UTP6: variants seen among roughly 807,000 people sequenced by gnomAD.
The protein encoded by UTP6 is UTP6 small subunit processome component, also known as U3 small nucleolar RNA-associated protein 6 homolog.
UTP6 carries 60 observed loss-of-function variants against 96.5 expected under a neutral mutation model. The ratio of observed to expected loss-of-function variants is 0.62; its 90% CI spans 0.51 to 0.77. The LOEUF is 0.77. Among genes scored for constraint, UTP6 ranks in the 30% least tolerant of loss-of-function variants. UTP6 has a pLI of 0.00. For synonymous variants in UTP6, 215 were observed against 240.1 expected (o/e 0.90, Z 0.96); for missense variants, 637 against 706.5 (o/e 0.90, Z 1.12).
Position 31,884,484 on chromosome 17 carries a change from A to G in UTP6, c.725T>C (p.Leu242Pro). 1 of 1,612,272 alleles carries G rather than the reference A, an allele frequency of 6.2e-7. No individual in the cohort carries two copies. The highest frequency in any genetic ancestry group is 8.5e-7 in the Non-Finnish European group (1 of 1,179,270). Residue 242 changes from leucine to proline, a missense_variant, in exon 10 of 19, where the codon CTG (leucine) becomes CCG (proline). Leu to Pro is a moderately conservative substitution (Grantham distance 98). Coordinates refer to ENST00000261708, the MANE Select transcript of UTP6 (RefSeq NM_018428.3). ...GTCAAATAGCTGTGCAATCGAAAGCAGTGACACGTGAAATTCTGCACCTAA... is the reference window on the plus strand; with the variant it reads ...GTCAAATAGCTGTGCAATCGAAAGCGGTGACACGTGAAATTCTGCACCTAA... ...IIKGAEFHVS[L>P]LSIAQLFDFA...
Position 31,899,604 on chromosome 17 carries a change from CAAAAAAG to C in UTP6, c.177+35_177+41del, listed in dbSNP as rs1904848370. 6 of 1,499,512 alleles carry C rather than the reference CAAAAAAG, an allele frequency of 4.0e-6. No homozygotes were observed. The East Asian group carries it at 1.2e-4, about 29-fold the overall frequency. 92.9% of individuals were successfully genotyped at this position (1,499,512 alleles called of 1,614,324 possible). On this transcript the variant is annotated intron_variant, in intron 2 of 18. Transcript: ENST00000261708. The stretch of plus-strand genomic sequence containing the variant: ...AGTGAGATGCCATCTCACCAAAAAA[CAAAAAAG>C]AAAAAAAGAAAGAAATTATTAATTA...
At chr17:31,867,282 C>T (rs1017755585) in intron 17 of UTP6, among the ~76,000 whole-genome samples, 2 of 152,048 alleles carry the variant, frequency 1.3e-5, no homozygotes, top group African/African-American at 2.4e-5. Flanking sequence ...CTGAGGGGGG[C>T]GGATCACCTG....
chr17:31,878,336 A>G lies in UTP6; in HGVS notation c.1048-9T>C. ...ATGGTTCTTTCCAACCTCTGAAAAC[A>G]GAAAAATCCCTCAGTTCATTACAAA... On this transcript the variant is annotated splice_polypyrimidine_tract_variant and intron_variant, in intron 12 of 18. Transcript: ENST00000261708. 6.2e-7 allele frequency: 1 copy of G among 1,614,096 alleles called. No individual in the cohort carries two copies. Among genetic ancestry groups the G allele is most frequent in the Non-Finnish European group, 8.5e-7 (1 of 1,179,954 alleles).
intron 18 of UTP6, among the ~76,000 whole-genome samples, chr17:31,864,015 G>GT (rs1160281042): frequency 1.5e-4 from 23 of 151,754 alleles, no homozygotes; most frequent in African/African-American, 5.6e-4. Flanking sequence ...TTGTTTTTTT[G>GT]TTTTTTGTTT....
At chr17:31,870,515 GTTTT>G (rs757361777) in intron 16 of UTP6, among the ~76,000 whole-genome samples, 2 of 138,790 alleles carry the variant, frequency 1.4e-5, no homozygotes, top group East Asian at 2.1e-4. Context: ...TGTTGTTTTG[GTTTT>G]TTTTTTTGGT....
intron 8 of UTP6, chr17:31,886,689 C>T (rs1334371180): frequency 6.6e-6 from 1 of 152,620 alleles, no homozygotes; most frequent in African/African-American, 2.4e-5. Context: ...AAGCTGGAAA[C>T]CACAATAACA....
chr17:31,872,460 G>A (rs1040922121), intron 16 of UTP6, among the ~76,000 whole-genome samples: 3 of 151,208 alleles, frequency 2.0e-5, no homozygotes, highest in Non-Finnish European at 2.9e-5. Flanking sequence ...TTGAGCCCAG[G>A]AGTTTGAGAC....
chr17:31,892,124 A>G, intron 6 of UTP6, 136 bp downstream of exon 6: 2 of 825,618 alleles, frequency 2.4e-6, no homozygotes. Context: ...GCTATTCAGT[A>G]AGAAAAACTG....
At chr17:31,865,257 C>T (rs1352264845) in intron 18 of UTP6, 109 bp downstream of exon 18, 15 of 1,110,612 alleles carry the variant, frequency 1.4e-5, no homozygotes, top group African/African-American at 4.7e-5. Flanking sequence ...AGGTGATCCG[C>T]CTGCCTTGGC....
chr17:31,894,638 C>T lies in UTP6; in HGVS notation c.312+7G>A. The T allele has an allele frequency of 6.3e-7, 1 of 1,593,320 alleles. No individual in the cohort carries two copies. Reference sequence around the variant, plus strand: ...CTCATAAAGTTAAGGATGCCTTGATCACTCACTTTCCATTTTGCTGAGGCA... The same window carrying T: ...CTCATAAAGTTAAGGATGCCTTGATTACTCACTTTCCATTTTGCTGAGGCA... On this transcript the variant is annotated splice_region_variant and intron_variant, in intron 4 of 18. Transcript: ENST00000261708.
intron 6 of UTP6, among the ~76,000 whole-genome samples, chr17:31,889,948 GATGAGTACCTAAGTGTCTGTTACTGT>G: frequency 6.6e-6 from 1 of 152,268 alleles, no homozygotes; most frequent in East Asian, 1.9e-4. Context: ...CAATTTAGAG[GATGAGTACCTAAGTGTCTGTTACTGT>G]TTTCATCAGA....
intron 13 of UTP6, among the ~76,000 whole-genome samples, 159 bp from the exon 14 acceptor site, chr17:31,875,572 C>T (rs192019362): frequency 6.6e-6 from 1 of 152,098 alleles, no homozygotes; most frequent in East Asian, 1.9e-4. Context: ...CACCTGTAAC[C>T]CCAGCACTTT....
At chr17:31,863,950 C>T in intron 18 of UTP6, among the ~76,000 whole-genome samples, 1 of 152,166 alleles carries the variant, frequency 6.6e-6, no homozygotes, top group East Asian at 1.9e-4. Flanking sequence ...ATCCTTCTAC[C>T]TTGGCCTTCC....
chr17:31,865,516 G>T, intron 17 of UTP6, 78 bp from the exon 18 acceptor site: 2 of 1,377,416 alleles, frequency 1.5e-6, no homozygotes, highest in Non-Finnish European at 2.0e-6. Context: ...TTGTTAAGCA[G>T]CTACTGTCTG....
intron 18 of UTP6, among the ~76,000 whole-genome samples, chr17:31,864,577 T>A (rs1909711040): frequency 6.6e-6 from 1 of 152,154 alleles, no homozygotes. Flanking sequence ...ACATTTTTTT[T>A]AAGAAAACAA....
chr17:31,888,771 A>T (rs1246525686), intron 7 of UTP6, among the ~76,000 whole-genome samples: 2 of 152,172 alleles, frequency 1.3e-5, no homozygotes, highest in African/African-American at 4.8e-5. Context: ...AGCCTTTTTT[A>T]TTTAATAAAG....
chr17:31,892,611 T>C (rs1904385484), intron 5 of UTP6, 136 bp downstream of exon 5: 2 of 963,220 alleles, frequency 2.1e-6, no homozygotes, highest in Non-Finnish European at 3.1e-6. Flanking sequence ...TCCAATGTTA[T>C]ATTGATGTTC....
At chr17:31,868,856 G>A (rs1909996378) in intron 16 of UTP6, among the ~76,000 whole-genome samples, 1 of 152,160 alleles carries the variant, frequency 6.6e-6, no homozygotes, top group South Asian at 2.1e-4. Flanking sequence ...GCTCACACCT[G>A]TAATCCCAGC....
At chr17:31,872,580 G>A (rs1910239676) in intron 16 of UTP6, among the ~76,000 whole-genome samples, 2 of 152,128 alleles carry the variant, frequency 1.3e-5, no homozygotes, top group African/African-American at 4.8e-5. Flanking sequence ...GGAGGCTGAG[G>A]TGGGCGGACT....
Sources: gnomAD v4.1 joint callset for allele counts (sites outside exome capture counted in the v4.1 genomes callset) on GRCh38, gnomAD v4.1.1 for gene constraint, MANE v1.5 for transcripts, NCBI Gene and HGNC (gene_info 2026-07-23, HGNC 2026-07-21) for gene names.